The following CYP39A1 variants were observed in gnomAD, a reference collection of about 807,000 sequenced individuals.
The protein encoded by CYP39A1 is cytochrome P450 family 39 subfamily A member 1.
CYP39A1 carries 49 observed loss-of-function variants against 58.1 expected under a neutral mutation model. The ratio of observed to expected loss-of-function variants is 0.84; its 90% CI spans 0.67 to 1.07. The LOEUF is 1.07. CYP39A1 is among the 50% of genes least tolerant of loss of function. CYP39A1 has a pLI of 0.00. For synonymous variants in CYP39A1, 209 were observed against 187.6 expected, an observed-to-expected ratio of 1.11 and a Z score of -0.93; for missense variants, 531 against 539.4, an observed-to-expected ratio of 0.98 and a Z score of 0.16.
intron 11 of CYP39A1, among the ~76,000 whole-genome samples, chr6:46,552,352 C>G (rs900249098): frequency 6.6e-6 from 1 of 152,112 alleles, no homozygotes; most frequent in South Asian, 2.1e-4. Context: ...TTTTGAGTTC[C>G]CTTTCATTGT....
intron 8 of CYP39A1, 84 bp downstream of exon 8, chr6:46,595,902 TA>T: frequency 3.2e-6 from 4 of 1,252,970 alleles, no homozygotes; most frequent in Non-Finnish European, 4.5e-6. Context: ...TAAATCAAGA[TA>T]TGTCAACCTG....
chr6:46,550,309 A>G lies in CYP39A1; in HGVS notation c.*57T>C. ...GTAGAGCTCAGGTCTAGGTGCTGCC[A>G]GGTGGGGTAGTGCCACTCCTCCAGA... is the stretch of plus-strand genomic sequence containing the variant. On this transcript the variant is annotated 3_prime_UTR_variant, in exon 12 of 12. Coordinates refer to ENST00000275016, the MANE Select transcript of CYP39A1 (RefSeq NM_016593.5). The G allele has an allele frequency of 7.0e-7, 1 of 1,433,178 alleles. No individual in the cohort carries two copies. Among genetic ancestry groups the G allele is most frequent in the Non-Finnish European group, 9.7e-7 (1 of 1,026,006 alleles). 88.8% of individuals were successfully genotyped at this position (1,433,178 alleles called of 1,614,324 possible).
At chr6:46,576,254 C>T (rs991391756) in intron 10 of CYP39A1, among the ~76,000 whole-genome samples, 1 of 152,152 alleles carries the variant, frequency 6.6e-6, no homozygotes, top group African/African-American at 2.4e-5. Context: ...CACCTCCCAC[C>T]AGGACCCGCC....
At chr6:46,599,603 T>C (rs764471731) in intron 7 of CYP39A1, among the ~76,000 whole-genome samples, 5 of 152,110 alleles carry the variant, frequency 3.3e-5, no homozygotes, top group Non-Finnish European at 5.9e-5. Flanking sequence ...TTTCCCGCTA[T>C]CCAACTTCTG....
intron 10 of CYP39A1, among the ~76,000 whole-genome samples, chr6:46,585,497 C>A (rs1184934987): frequency 6.6e-6 from 1 of 152,100 alleles, no homozygotes; most frequent in Admixed American, 6.6e-5. Flanking sequence ...GGCTTAAGAA[C>A]TGCTTCTCTA....
intron 7 of CYP39A1, among the ~76,000 whole-genome samples, chr6:46,617,267 T>C (rs1582410643): frequency 6.6e-6 from 1 of 152,174 alleles, no homozygotes; most frequent in African/African-American, 2.4e-5. Flanking sequence ...TAAGTTTACT[T>C]ATATGTAAAG....
At chr6:46,575,519 G>A (rs186979655) in intron 10 of CYP39A1, among the ~76,000 whole-genome samples, 1 of 152,244 alleles carries the variant, frequency 6.6e-6, no homozygotes, top group Admixed American at 6.5e-5. Context: ...ATACCCATTG[G>A]AGCACTTTTG....
intron 7 of CYP39A1, among the ~76,000 whole-genome samples, chr6:46,617,071 A>G (rs1774654572): frequency 6.6e-6 from 1 of 152,126 alleles, no homozygotes; most frequent in African/African-American, 2.4e-5. Flanking sequence ...TTGTCTACAT[A>G]AACTACAGAC....
intron 7 of CYP39A1, among the ~76,000 whole-genome samples, chr6:46,624,149 G>A (rs980348334): frequency 1.3e-5 from 2 of 152,156 alleles, no homozygotes; most frequent in Non-Finnish European, 2.9e-5. Flanking sequence ...CTTTGGGTCA[G>A]AGAGGACCCC....
At chr6:46,565,361 G>A (rs1000480268) in intron 10 of CYP39A1, among the ~76,000 whole-genome samples, 2 of 151,864 alleles carry the variant, frequency 1.3e-5, no homozygotes, top group African/African-American at 4.8e-5. Flanking sequence ...TGGGAATACT[G>A]GTGAAAGCAT....
chr6:46,641,919 A>G (rs530531181), intron 2 of CYP39A1, among the ~76,000 whole-genome samples: 14 of 152,332 alleles, frequency 9.2e-5, no homozygotes, highest in African/African-American at 2.2e-4. Context: ...GAAAACATCA[A>G]TGAGGTAACC....
At position 46,606,598 on chromosome 6, in the gene CYP39A1, CTG is replaced by C. The variant is rs1170182449; in HGVS notation, c.932-10480_932-10479del. ...TACAGATGACAGACCAATAAAGAAA[CTG>C]AGTGATTTGGGCTAAAATTCAGAAA... On this transcript the variant is annotated intron_variant, in intron 7 of 11. Coordinates refer to ENST00000275016, the MANE Select transcript of CYP39A1 (RefSeq NM_016593.5). Among the ~76,000 whole-genome samples, 3 of 152,230 alleles carry C rather than the reference CTG, an allele frequency of 2.0e-5. No individual in the cohort carries two copies. The East Asian group carries it at 5.8e-4, about 29-fold the overall frequency.
chr6:46,641,575 A>G (rs1365463096), intron 2 of CYP39A1, among the ~76,000 whole-genome samples: 1 of 152,188 alleles, frequency 6.6e-6, no homozygotes, highest in Non-Finnish European at 1.5e-5. Context: ...GGGAGGACAC[A>G]TGGCCCCAGT....
In CYP39A1 at chr6:46,557,603, A is replaced by C. The variant is rs140338913; in HGVS notation, c.1251-3749T>G. ...GGTTGCACGGAGCCAAGATTGTGCC[A>C]CTACACTCCAGCCTGGGCAACAGAG... On this transcript the variant is annotated intron_variant, in intron 10 of 11. Coordinates refer to ENST00000275016, the MANE Select transcript of CYP39A1 (RefSeq NM_016593.5). 2.5e-3 allele frequency among the ~76,000 whole-genome samples: 376 copies of C among 150,672 alleles called. 1 individual carries two copies. The highest frequency in any genetic ancestry group is 8.9e-3 in the African/African-American group (363 of 40,734).
At chr6:46,602,223 AT>A (rs1161928699) in intron 7 of CYP39A1, among the ~76,000 whole-genome samples, 1 of 152,192 alleles carries the variant, frequency 6.6e-6, no homozygotes, top group Non-Finnish European at 1.5e-5. Context: ...GAAGCTTTTA[AT>A]TTGTGTAACA....
In CYP39A1 at chr6:46,554,317, T is replaced by C. The variant is rs149033181; in HGVS notation, c.1251-463A>G. On this transcript the variant is annotated intron_variant, in intron 10 of 11. Coordinates refer to ENST00000275016, the MANE Select transcript of CYP39A1 (RefSeq NM_016593.5). ...TATACTGGACAGTGTATATTTAAGA[T>C]ATTTCCATGATCACAGAAGGCTCTA... 2.6e-3 allele frequency among the ~76,000 whole-genome samples: 391 copies of C among 152,348 alleles called. 2 individuals carry two copies. Among genetic ancestry groups the C allele is most frequent in the African/African-American group, 9.1e-3 (378 of 41,578 alleles).
chr6:46,640,324 T>C (rs1205033327), intron 2 of CYP39A1, among the ~76,000 whole-genome samples: 2 of 152,146 alleles, frequency 1.3e-5, no homozygotes, highest in Non-Finnish European at 2.9e-5. Context: ...TCCTTTATTA[T>C]ACCCATATCT....
At position 46,577,631 on chromosome 6, in the gene CYP39A1, T is replaced by G. The variant is rs142899114; in HGVS notation, c.1250+9446A>C. 5.9e-5 allele frequency among the ~76,000 whole-genome samples: 9 copies of G among 152,220 alleles called. No individual in the cohort carries two copies. The East Asian group carries it at 1.7e-3, about 29-fold the overall frequency. On this transcript the variant is annotated intron_variant, in intron 10 of 11. Coordinates refer to ENST00000275016, the MANE Select transcript of CYP39A1 (RefSeq NM_016593.5). ...AAAAAAAGAGTAGGGGTTGTTATTC[T>G]TACTTCAAACAGAAGAGACTTTAAA...
chr6:46,636,315 T>C (rs1302977577), intron 5 of CYP39A1, 74 bp downstream of exon 5: 2 of 1,161,830 alleles, frequency 1.7e-6, no homozygotes, highest in Admixed American at 2.0e-5. Context: ...TCATGTGTTT[T>C]AGCAAAATAT....
Sources: gnomAD v4.1 joint callset for allele counts (sites outside exome capture counted in the v4.1 genomes callset) on GRCh38, gnomAD v4.1.1 for gene constraint, MANE v1.5 for transcripts, NCBI Gene and HGNC (gene_info 2026-07-23, HGNC 2026-07-21) for gene names.